STOX2: variants seen among roughly 807,000 people sequenced by gnomAD.
STOX2 encodes the protein storkhead-box protein 2.
A neutral mutation model predicts 60.9 loss-of-function variants in STOX2; 28 were observed. That is an observed-to-expected ratio of 0.46 (90% CI 0.34 to 0.63). STOX2 has a LOEUF of 0.63. Among genes scored for constraint, STOX2 ranks in the 30% least tolerant of loss-of-function variants. The pLI is 0.01. For synonymous variants in STOX2, 472 were observed against 463.9 expected (o/e 1.02, Z -0.22); for missense variants, 1,024 against 1,187.7 (o/e 0.86, Z 2.03).
At chr4:183,991,156 T>G (rs1733089015) in intron 1 of STOX2, among the ~76,000 whole-genome samples, 2 of 152,164 alleles carry the variant, frequency 1.3e-5, no homozygotes, top group Non-Finnish European at 2.9e-5. Context: ...CATCTCCTAG[T>G]GCCTTTTTCT....
intron 1 of STOX2, among the ~76,000 whole-genome samples, chr4:183,884,002 G>A (rs932081886): frequency 1.3e-5 from 2 of 151,934 alleles, no homozygotes; most frequent in African/African-American, 2.4e-5. Flanking sequence ...ACAGGCGCCC[G>A]CCACCACGCC....
At chr4:183,949,324 G>A (rs1288105627) in intron 1 of STOX2, among the ~76,000 whole-genome samples, 1 of 151,554 alleles carries the variant, frequency 6.6e-6, no homozygotes, top group African/African-American at 2.4e-5. Context: ...AAATTCAAAG[G>A]TAGCATTTTT....
chr4:184,005,457 C>CA lies in STOX2; in HGVS notation c.320-3682dup, dbSNP rs60307441. On this transcript the variant is annotated intron_variant, in intron 2 of 3. Transcript: ENST00000308497. ...TGGGTGACAGAGTGAGACGATATCT[C>CA]AAAAAAAAAAAAAAAAAAATTCATA... Among the ~76,000 whole-genome samples, 494 of 59,256 alleles carry CA rather than the reference C, an allele frequency of 8.3e-3. 8 individuals are homozygous for CA. The highest frequency in any genetic ancestry group is 0.022 in the African/African-American group (469 of 21,742). 38.9% of individuals were successfully genotyped at this position (59,256 alleles called of 152,430 possible).
At chr4:183,994,549 C>T (rs1216232263) in intron 1 of STOX2, among the ~76,000 whole-genome samples, 1 of 152,214 alleles carries the variant, frequency 6.6e-6, no homozygotes, top group Non-Finnish European at 1.5e-5. Context: ...ACACCCGTGC[C>T]ATATGATGCT....
chr4:184,003,668 T>C (rs1162139063), intron 2 of STOX2, among the ~76,000 whole-genome samples: 1 of 152,242 alleles, frequency 6.6e-6, no homozygotes, highest in Non-Finnish European at 1.5e-5. Context: ...CATTTGCTCA[T>C]GGATGGTCTT....
intron 1 of STOX2, among the ~76,000 whole-genome samples, chr4:183,908,325 T>A (rs1178038651): frequency 6.6e-6 from 1 of 152,190 alleles, no homozygotes; most frequent in Non-Finnish European, 1.5e-5. Context: ...TGGCAGTAAA[T>A]TTTGAAACAC....
intron 1 of STOX2, among the ~76,000 whole-genome samples, chr4:183,880,067 T>C (rs1740921066): frequency 6.6e-6 from 1 of 152,082 alleles, no homozygotes; most frequent in Non-Finnish European, 1.5e-5. Context: ...CAACCTCCGC[T>C]TCCCGGGTTC....
At chr4:183,946,111 G>A (rs759561248) in intron 1 of STOX2, among the ~76,000 whole-genome samples, 3 of 152,136 alleles carry the variant, frequency 2.0e-5, no homozygotes, top group Non-Finnish European at 2.9e-5. Context: ...AAATAAATAC[G>A]AGACGTCGGC....
chr4:183,820,235 T>C (rs564665935), intron 1 of STOX2, among the ~76,000 whole-genome samples: 2 of 152,224 alleles, frequency 1.3e-5, no homozygotes, highest in Non-Finnish European at 2.9e-5. Context: ...AGACTATTTT[T>C]ATTTTATTAC....
Position 184,021,918 on chromosome 4 carries a change from TC to T in STOX2, c.*4635del, listed in dbSNP as rs1187965132. ...CCTCAGTGGGCCCAAGCAGGAGCAA[TC>T]TCTTCTATCCCCCATCTCCCCCAGG... On this transcript the variant is annotated 3_prime_UTR_variant, in exon 4 of 4. Transcript: ENST00000308497. 6.6e-6 allele frequency: 1 copy of T among 152,330 alleles called. No homozygotes were observed. Among genetic ancestry groups the T allele is most frequent in the East Asian group, 1.9e-4 (1 of 5,200 alleles). 9.4% of individuals were successfully genotyped at this position (152,330 alleles called of 1,614,324 possible). A position where few individuals can be genotyped will look rare whatever the true frequency, so the allele number is the denominator to read the frequency against.
chr4:183,990,794 C>T (rs530996674), intron 1 of STOX2, among the ~76,000 whole-genome samples: 6 of 151,612 alleles, frequency 4.0e-5, no homozygotes, highest in African/African-American at 1.5e-4. Flanking sequence ...GAACTGTTGC[C>T]GTAAAGGACA....
At chr4:184,015,293 C>T (rs577108806) in intron 3 of STOX2, 4 of 152,156 alleles carry the variant, frequency 2.6e-5, no homozygotes, top group Non-Finnish European at 4.4e-5. Flanking sequence ...CTCCATGCCT[C>T]AGTGGTAGCT....
intron 1 of STOX2, among the ~76,000 whole-genome samples, chr4:183,994,509 G>A (rs1316724773): frequency 2.0e-5 from 3 of 152,182 alleles, no homozygotes; most frequent in African/African-American, 7.2e-5. Context: ...TGTTAAAATA[G>A]TGTCCCCAGC....
chr4:183,862,916 G>A (rs911580947), intron 1 of STOX2, among the ~76,000 whole-genome samples: 2 of 152,072 alleles, frequency 1.3e-5, no homozygotes, highest in African/African-American at 2.4e-5. Flanking sequence ...GGTTATTTCC[G>A]GTCAGACAGG....
At position 183,905,713 on chromosome 4, in the gene STOX2, G is replaced by T. The variant is rs940695973; in HGVS notation, c.-1078G>T. ...CGGGTGTTTTACATGAAAATGAGAA[G>T]CCTGATGGGAACCGCGTTCTAACTT... On this transcript the variant is annotated 5_prime_UTR_variant, in exon 1 of 4. Transcript: ENST00000308497. 3 of 152,486 alleles carry T rather than the reference G, an allele frequency of 2.0e-5. No individual in the cohort carries two copies. Among genetic ancestry groups the T allele is most frequent in the Admixed American group, 1.3e-4 (2 of 15,306 alleles). 9.4% of individuals were successfully genotyped at this position (152,486 alleles called of 1,614,324 possible).
intron 1 of STOX2, among the ~76,000 whole-genome samples, chr4:183,974,805 C>T (rs28787087): frequency 0.047 from 7,193 of 152,130 alleles, 572 homozygotes; most frequent in African/African-American, 0.16. Flanking sequence ...GATAGAATAG[C>T]GGTAAGGATA....
At position 183,895,567 on chromosome 4, in the gene STOX2, A is replaced by G. The variant is rs116176763; in HGVS notation, c.364+97512A>G. ...GCCTTATTTTCTTCCATTCATCACT[A>G]TTTTATATTCGACACAGTTCACTAA... On this transcript the variant is annotated intron_variant, in intron 1 of 2. Coordinates refer to the STOX2 transcript ENST00000513034. Among the ~76,000 whole-genome samples the G allele has an allele frequency of 7.6e-3, 1,164 of 152,222 alleles. 15 individuals are homozygous for G. The highest frequency in any genetic ancestry group is 0.027 in the African/African-American group (1,109 of 41,510).
At chr4:183,815,249 A>G (rs761101574) in intron 1 of STOX2, among the ~76,000 whole-genome samples, 25 of 151,976 alleles carry the variant, frequency 1.6e-4, no homozygotes, top group Non-Finnish European at 3.1e-4. Flanking sequence ...CAGCCTCCCA[A>G]TGTGCTGGGA....
intron 1 of STOX2, chr4:183,988,740 T>C (rs1476636570): frequency 1.3e-5 from 2 of 152,650 alleles, no homozygotes; most frequent in Non-Finnish European, 2.9e-5. Flanking sequence ...TTCTTGTGCT[T>C]GGATGCAGCT....
Sources: gnomAD v4.1 joint callset for allele counts (sites outside exome capture counted in the v4.1 genomes callset) on GRCh38, gnomAD v4.1.1 for gene constraint, MANE v1.5 for transcripts, NCBI Gene and HGNC (gene_info 2026-07-23, HGNC 2026-07-21) for gene names.